CEP112: variants seen among roughly 807,000 people sequenced by gnomAD.
The protein encoded by CEP112 is centrosomal protein of 112 kDa.
A neutral mutation model predicts 153.0 loss-of-function variants in CEP112; 127 were observed. The ratio of observed to expected loss-of-function variants is 0.83; its 90% CI spans 0.72 to 0.96. The LOEUF (loss-of-function observed/expected upper bound fraction) is 0.96. CEP112 is among the 40% of genes least tolerant of loss of function. The pLI is 0.00. For missense variants in CEP112, 1,089 were observed against 1,101.2 expected (o/e 0.99, Z 0.16); for synonymous variants, 358 against 374.4 (o/e 0.96, Z 0.51).
rs1213172113 is a variant in CEP112 at position 65,832,415 on chromosome 17, T to C, written c.2394+19389A>G. ...ATCAGTGAATCCAGGAGTTTGTTTT[T>C]TGGAAAAAAAAAAAAAACTAAAAAG... is the stretch of plus-strand genomic sequence containing the variant. On this transcript the variant is annotated intron_variant, in intron 21 of 26. Transcript: ENST00000535342. Among the ~76,000 whole-genome samples, 4 of 150,552 alleles carry C rather than the reference T, an allele frequency of 2.7e-5. 1 individual carries two copies. The highest frequency in any genetic ancestry group is 4.2e-4 in the South Asian group (2 of 4,764).
At chr17:65,723,847 A>G (rs967073337) in intron 23 of CEP112, among the ~76,000 whole-genome samples, 6 of 152,220 alleles carry the variant, frequency 3.9e-5, no homozygotes, top group Non-Finnish European at 8.8e-5. Flanking sequence ...CTCGAGTCTA[A>G]TTTATTAATT....
intron 23 of CEP112, among the ~76,000 whole-genome samples, chr17:65,719,601 T>C (rs919909426): frequency 4.0e-5 from 6 of 151,474 alleles, no homozygotes; most frequent in Non-Finnish European, 8.8e-5. Context: ...ATAAAGAACA[T>C]AAACCAGTCC....
chr17:66,104,413 C>T (rs1243854054), intron 6 of CEP112, among the ~76,000 whole-genome samples: 2 of 152,294 alleles, frequency 1.3e-5, no homozygotes, highest in South Asian at 2.1e-4. Context: ...GGACCCACTC[C>T]TGGCAGAATT....
chr17:66,176,794 G>A (rs2072494030), intron 3 of CEP112, 36 bp downstream of exon 3: 5 of 1,469,850 alleles, frequency 3.4e-6, no homozygotes, highest in South Asian at 1.4e-5. Flanking sequence ...TTTTTTAAAT[G>A]AAACTAATAT....
At chr17:66,152,920 A>G (rs1444855376) in intron 4 of CEP112, among the ~76,000 whole-genome samples, 1 of 152,234 alleles carries the variant, frequency 6.6e-6, no homozygotes, top group Non-Finnish European at 1.5e-5. Flanking sequence ...GCTAATAAGC[A>G]CATGACAAGA....
In CEP112 at chr17:65,636,014, TAAC is replaced by T. The variant is rs373721035; in HGVS notation, c.2865-43_2865-41del. 1.2e-5 allele frequency: 19 copies of T among 1,584,040 alleles called. No homozygotes were observed. In the African/African-American group the frequency reaches 2.1e-4, roughly 18 times the overall value. On this transcript the variant is annotated intron_variant, in intron 26 of 26. Coordinates refer to ENST00000535342, the MANE Select transcript of CEP112 (RefSeq NM_001199165.4). ...TCGCAGTCACGACTTTCTCTAGGTT[TAAC>T]AGGTATGTCAATCAAAAAATAAGCT... is the stretch of plus-strand genomic sequence containing the variant.
chr17:66,010,604 T>A (rs2064479880), intron 16 of CEP112, among the ~76,000 whole-genome samples: 1 of 152,200 alleles, frequency 6.6e-6, no homozygotes, highest in African/African-American at 2.4e-5. Context: ...TTCTCATAGA[T>A]GGCTCTTATT....
intron 17 of CEP112, among the ~76,000 whole-genome samples, chr17:65,975,357 ATATATT>A (rs2062995057): frequency 6.6e-6 from 1 of 152,210 alleles, no homozygotes; most frequent in South Asian, 2.1e-4. Flanking sequence ...CATACTTTCT[ATATATT>A]TAGAGAGATA....
At chr17:66,136,454 A>G (rs971138655) in intron 4 of CEP112, among the ~76,000 whole-genome samples, 2 of 151,744 alleles carry the variant, frequency 1.3e-5, no homozygotes, top group Non-Finnish European at 2.9e-5. Context: ...ACTAGTAAAC[A>G]CTCACGGCCA....
chr17:65,915,460 A>G (rs766461124), intron 19 of CEP112, among the ~76,000 whole-genome samples: 4 of 151,998 alleles, frequency 2.6e-5, no homozygotes, highest in Non-Finnish European at 4.4e-5. Context: ...TCGTAATCAA[A>G]GCTCCACACA....
At chr17:65,646,186 C>T (rs2045423206) in intron 24 of CEP112, among the ~76,000 whole-genome samples, 1 of 152,178 alleles carries the variant, frequency 6.6e-6, no homozygotes. Flanking sequence ...GCCATTATTC[C>T]TTCCATCACT....
intron 4 of CEP112, among the ~76,000 whole-genome samples, chr17:66,164,733 G>A (rs905181024): frequency 4.0e-5 from 6 of 151,570 alleles, no homozygotes; most frequent in Admixed American, 6.6e-5. Flanking sequence ...GCAGGCGCCC[G>A]TAATCCCAGC....
intron 18 of CEP112, among the ~76,000 whole-genome samples, chr17:65,927,891 T>C (rs981049307): frequency 1.3e-5 from 2 of 152,166 alleles, no homozygotes; most frequent in Non-Finnish European, 2.9e-5. Flanking sequence ...TTAAAATTGG[T>C]ATATAATTGA....
intron 21 of CEP112, among the ~76,000 whole-genome samples, chr17:65,770,746 C>T (rs923941048): frequency 6.6e-6 from 1 of 151,544 alleles, no homozygotes; most frequent in Admixed American, 6.6e-5. Flanking sequence ...TGATCTGGTA[C>T]AACAGTAGGT....
chr17:66,167,476 G>C (rs941848299), intron 4 of CEP112, among the ~76,000 whole-genome samples: 4 of 152,020 alleles, frequency 2.6e-5, no homozygotes, highest in African/African-American at 4.8e-5. Context: ...ATGAAACTGG[G>C]GTTTAGAGAA....
At chr17:65,657,062 TG>T (rs1458347833) in intron 24 of CEP112, among the ~76,000 whole-genome samples, 1 of 152,182 alleles carries the variant, frequency 6.6e-6, no homozygotes, top group African/African-American at 2.4e-5. Context: ...CCTACGGGGC[TG>T]CTGAGATCAA....
In CEP112 at chr17:65,704,420, T is replaced by TACACACACACAC. The variant is rs3074178; in HGVS notation, c.2608-15214_2608-15203dup. Among the ~76,000 whole-genome samples the TACACACACACAC allele has an allele frequency of 9.1e-4, 135 of 147,794 alleles. No homozygotes were observed. The East Asian group carries it at 0.022, about 24-fold the overall frequency. On this transcript the variant is annotated intron_variant, in intron 23 of 26. Coordinates refer to ENST00000535342, the MANE Select transcript of CEP112 (RefSeq NM_001199165.4). ...ATTTTCTCTTGTAAAACGTGTAAAA[T>TACACACACACAC]ACACACACACACACACACACACACA...
intron 23 of CEP112, among the ~76,000 whole-genome samples, chr17:65,725,239 T>G (rs1035168720): frequency 6.6e-6 from 1 of 152,162 alleles, no homozygotes; most frequent in African/African-American, 2.4e-5. Context: ...AGGTTGGTGT[T>G]GATGTGTTTA....
chr17:65,785,671 T>C (rs1395476097), intron 21 of CEP112, among the ~76,000 whole-genome samples: 1 of 152,208 alleles, frequency 6.6e-6, no homozygotes, highest in Non-Finnish European at 1.5e-5. Context: ...GTGCTTTTAG[T>C]GTCATATCTA....
Sources: allele counts gnomAD v4.1 joint callset (sites outside exome capture counted in the v4.1 genomes callset), GRCh38; gene constraint gnomAD v4.1.1; transcripts MANE v1.5; gene names NCBI Gene and HGNC (gene_info 2026-07-23, HGNC 2026-07-21).